ATP5PO: variants seen among roughly 807,000 people sequenced by gnomAD.
ATP5PO encodes the protein ATP synthase peripheral stalk subunit OSCP, mitochondrial.
A neutral mutation model predicts 26.2 loss-of-function variants in ATP5PO; 14 were observed. The observed-to-expected ratio is 0.53, with a 90% confidence interval of 0.35 to 0.83. The LOEUF is 0.83. Ranked by LOEUF, ATP5PO falls within the 40% of genes least tolerant of loss-of-function variation. The pLI, the probability that ATP5PO is intolerant of heterozygous loss-of-function variation, is 0.01. For synonymous variants in ATP5PO, 106 were observed against 95.1 expected (o/e 1.12, Z -0.67); for missense variants, 241 against 258.5 (o/e 0.93, Z 0.46).
chr21:33,912,572 C>T (rs1471420050), intron 2 of ATP5PO, among the ~76,000 whole-genome samples, 173 bp from the exon 3 acceptor site: 2 of 152,154 alleles, frequency 1.3e-5, no homozygotes, highest in Non-Finnish European at 2.9e-5. Context: ...AATAAATTAG[C>T]GATGTTTCCT....
chr21:33,903,576 C>T lies in ATP5PO; in HGVS notation c.592G>A (p.Val198Ile). The change falls in exon 7 of 7, where the codon GTC (valine) becomes ATC (isoleucine). Residue 198 changes from valine (V) to isoleucine (I), a missense_variant. This residue lies in a region of ATP5PO where 77 missense variants were observed against 74.5 expected (regional missense o/e 1.03). Coordinates refer to ENST00000290299, the MANE Select transcript of ATP5PO (RefSeq NM_001697.3). ...CCCAGCTTCTGAATCTTGGTCTTGA[C>T]AGACATGTCAACATATTTCTCGCCA... ...RIGEKYVDMS[V>I]KTKIQKLGRA... 2 of 1,614,164 alleles carry T rather than the reference C, an allele frequency of 1.2e-6. No homozygotes were observed. The highest frequency in any genetic ancestry group is 2.2e-5 in the South Asian group (2 of 91,076).
intron 3 of ATP5PO, among the ~76,000 whole-genome samples, chr21:33,910,683 T>C (rs1469003248): frequency 6.6e-6 from 1 of 152,220 alleles, no homozygotes; most frequent in Non-Finnish European, 1.5e-5. Context: ...AGACCCCGTC[T>C]GTTCCTGCAT....
chr21:33,910,608 C>T (rs112593420), intron 3 of ATP5PO, among the ~76,000 whole-genome samples: 6 of 152,242 alleles, frequency 3.9e-5, no homozygotes, highest in Non-Finnish European at 2.9e-5. Flanking sequence ...TGATTGTTTC[C>T]GTTTAAAATG....
rs774700870 is a variant in ATP5PO, at chr21:33,915,764, C to G, written c.-1G>C. The G allele has an allele frequency of 6.4e-7, 1 of 1,572,532 alleles. No individual in the cohort carries two copies. Among genetic ancestry groups the G allele is most frequent in the Non-Finnish European group, 8.6e-7 (1 of 1,159,426 alleles). ...GCCCGGACACTGCTGGGGCAGCCAT[C>G]TTCTCCCGGGCGGCTGTAGGTCAAA... On this transcript the variant is annotated 5_prime_UTR_variant, in exon 1 of 7. Coordinates refer to ENST00000290299, the MANE Select transcript of ATP5PO (RefSeq NM_001697.3).
chr21:33,912,256 A>C, intron 3 of ATP5PO, 33 bp downstream of exon 3: 1 of 1,554,570 alleles, frequency 6.4e-7, no homozygotes, highest in Non-Finnish European at 8.8e-7. Flanking sequence ...ACAAACAGGA[A>C]CTTCATATGT....
intron 1 of ATP5PO, chr21:33,915,422 G>A (rs141676915): frequency 1.1e-5 from 5 of 467,346 alleles, no homozygotes; most frequent in Middle Eastern, 5.4e-4. Context: ...GCTAGTCCAT[G>A]CCCCTTCCCC....
At chr21:33,912,966 T>TGG (rs1569367770) in intron 2 of ATP5PO, among the ~76,000 whole-genome samples, 1 of 152,248 alleles carries the variant, frequency 6.6e-6, no homozygotes, top group African/African-American at 2.4e-5. Flanking sequence ...CAATAAACTA[T>TGG]AGACTTTTTT....
chr21:33,911,671 T>G lies in ATP5PO; in HGVS notation c.198+618A>C, dbSNP rs867135888. On this transcript the variant is annotated intron_variant, in intron 3 of 6. Transcript: ENST00000290299. ...TAGCCCATAAGCATAGGTTTTTTTT[T>G]TTTTTTTTTTTTTTTGAGACGGAGT... Among the ~76,000 whole-genome samples the G allele has an allele frequency of 1.2e-3, 172 of 144,292 alleles. 4 individuals carry two copies. The East Asian group carries it at 0.031, about 26-fold the overall frequency. The allele number at this position is 144,292 out of a possible 152,430, so 94.7% of individuals were successfully genotyped here. A position where few individuals can be genotyped will look rare whatever the true frequency, so the allele number is the denominator to read the frequency against.
intron 3 of ATP5PO, 129 bp from the exon 4 acceptor site, chr21:33,909,340 G>C: frequency 9.7e-7 from 1 of 1,030,746 alleles, no homozygotes; most frequent in Non-Finnish European, 1.4e-6. Flanking sequence ...GAGTGCAGTG[G>C]CGCAATCTTG....
chr21:33,907,301 A>G, intron 5 of ATP5PO, 40 bp downstream of exon 5: 1 of 1,527,810 alleles, frequency 6.5e-7, no homozygotes, highest in Non-Finnish European at 9.0e-7. Flanking sequence ...TGACACATGT[A>G]ATATCAAGGC....
chr21:33,914,385 T>C, intron 2 of ATP5PO, 65 bp downstream of exon 2: 2 of 1,504,190 alleles, frequency 1.3e-6, no homozygotes, highest in South Asian at 1.2e-5. Flanking sequence ...ACGCCCTGAC[T>C]GTACTGCTGT....
At chr21:33,914,118 T>G (rs1230710894) in intron 2 of ATP5PO, among the ~76,000 whole-genome samples, 1 of 151,896 alleles carries the variant, frequency 6.6e-6, no homozygotes, top group African/African-American at 2.4e-5. Context: ...AATAACTTCC[T>G]GTGATAACTT....
chr21:33,905,918 G>GAAAACAAAAAAAAAAAAAAAAAAAA (rs1987164209), intron 5 of ATP5PO, among the ~76,000 whole-genome samples: 1 of 98,436 alleles, frequency 1.0e-5, no homozygotes, highest in Admixed American at 1.3e-4. Context: ...TCTCAAAAAA[G>GAAAACAAAAAAAAAAAAAAAAAAAA]AAAAAAAAAA....
At chr21:33,911,193 C>T (rs1008780269) in intron 3 of ATP5PO, among the ~76,000 whole-genome samples, 7 of 152,126 alleles carry the variant, frequency 4.6e-5, no homozygotes, top group East Asian at 3.9e-4. Context: ...CTAGAAAATT[C>T]GGTGAAAACG....
At chr21:33,906,513 G>C (rs548728741) in intron 5 of ATP5PO, 2 of 347,440 alleles carry the variant, frequency 5.8e-6, no homozygotes, top group Admixed American at 8.0e-5. Context: ...GTAAAATGAG[G>C]TTAATTATAC....
intron 1 of ATP5PO, chr21:33,915,416 G>C (rs928879145): frequency 4.4e-6 from 2 of 459,642 alleles, no homozygotes; most frequent in African/African-American, 4.1e-5. Context: ...TTGGGGGCTA[G>C]TCCATGCCCC....
At chr21:33,914,398 G>T in intron 2 of ATP5PO, 52 bp downstream of exon 2, 3 of 1,555,574 alleles carry the variant, frequency 1.9e-6, no homozygotes, top group South Asian at 2.3e-5. Context: ...ACTGCTGTTT[G>T]ACTCACACTT....
chr21:33,912,971 T>C (rs1248055884), intron 2 of ATP5PO, among the ~76,000 whole-genome samples: 1 of 152,218 alleles, frequency 6.6e-6, no homozygotes, highest in Non-Finnish European at 1.5e-5. Flanking sequence ...AACTATAGAC[T>C]TTTTTTCTAC....
chr21:33,907,043 T>C (rs28437907), intron 5 of ATP5PO: 7,302 of 383,812 alleles, frequency 0.019, 68 homozygotes, highest in Non-Finnish European at 0.027. Flanking sequence ...GTGGTATTCA[T>C]AAAATAATTC....
Sources: allele counts gnomAD v4.1 joint callset (sites outside exome capture counted in the v4.1 genomes callset), GRCh38; gene constraint gnomAD v4.1.1; regional missense constraint gnomAD v4.1.1; transcripts MANE v1.5; gene names NCBI Gene and HGNC (gene_info 2026-07-23, HGNC 2026-07-21).